FBN1: variants seen among roughly 807,000 people sequenced by gnomAD.
FBN1 encodes the protein fibrillin-1.
A neutral mutation model predicts 365.1 loss-of-function variants in FBN1; 29 were observed. The ratio of observed to expected loss-of-function variants is 0.08; its 90% CI spans 0.06 to 0.11. The LOEUF is 0.11. Among genes scored for constraint, FBN1 ranks in the 10% least tolerant of loss-of-function variants. The pLI, the probability that FBN1 is intolerant of heterozygous loss-of-function variation, is 1.00. For missense variants in FBN1, 2,476 were observed against 3,703.2 expected (o/e 0.67, Z 8.60); for synonymous variants, 1,210 against 1,270.5 (o/e 0.95, Z 1.01).
At chr15:48,528,222 A>G (rs574148340) in intron 8 of FBN1, among the ~76,000 whole-genome samples, 20 of 152,372 alleles carry the variant, frequency 1.3e-4, no homozygotes, top group African/African-American at 4.8e-4. Flanking sequence ...TCAATATCTA[A>G]AAGGTTTAAA....
chr15:48,501,762 A>G (rs2043660138), intron 17 of FBN1, among the ~76,000 whole-genome samples: 1 of 152,222 alleles, frequency 6.6e-6, no homozygotes, highest in South Asian at 2.1e-4. Flanking sequence ...AGCTTTCATG[A>G]TACTTGTCTG....
intron 5 of FBN1, 134 bp from the exon 6 acceptor site, chr15:48,596,512 C>T: frequency 3.8e-6 from 3 of 780,722 alleles, no homozygotes; most frequent in South Asian, 2.9e-5. Context: ...GGTCACTCTA[C>T]AGTTACACAT....
chr15:48,501,338 A>G (rs1303925465), intron 17 of FBN1, among the ~76,000 whole-genome samples: 1 of 152,186 alleles, frequency 6.6e-6, no homozygotes, highest in Non-Finnish European at 1.5e-5. Context: ...AAGCACATTC[A>G]GTCCTCTCTA....
chr15:48,482,651 G>T (rs1206683136), intron 31 of FBN1, among the ~76,000 whole-genome samples: 1 of 152,182 alleles, frequency 6.6e-6, no homozygotes, highest in East Asian at 1.9e-4. Context: ...CAGAGTAAAG[G>T]ACAGGAGAGA....
chr15:48,559,649 A>C (rs1005663080), intron 6 of FBN1, among the ~76,000 whole-genome samples: 6 of 152,192 alleles, frequency 3.9e-5, no homozygotes, highest in Admixed American at 6.5e-5. Flanking sequence ...AGTAAATGCT[A>C]AGGCTTGTTA....
At chr15:48,588,866 A>C (rs1197823674) in intron 6 of FBN1, among the ~76,000 whole-genome samples, 1 of 152,208 alleles carries the variant, frequency 6.6e-6, no homozygotes, top group African/African-American at 2.4e-5. Context: ...GAGACTCCTC[A>C]GATTGCATGA....
chr15:48,515,669 G>A (rs1250160826), intron 11 of FBN1, 142 bp from the exon 12 acceptor site: 13 of 1,097,116 alleles, frequency 1.2e-5, no homozygotes, highest in Non-Finnish European at 1.8e-5. Context: ...TGACAACAGA[G>A]CATATTTCCA....
intron 65 of FBN1, among the ~76,000 whole-genome samples, chr15:48,411,724 G>A (rs548591690): frequency 6.6e-6 from 1 of 152,304 alleles, no homozygotes; most frequent in African/African-American, 2.4e-5. Context: ...GAAACCCTGG[G>A]ATGTCTCCCA....
intron 15 of FBN1, among the ~76,000 whole-genome samples, chr15:48,507,610 A>G (rs2043721496): frequency 1.3e-5 from 2 of 152,184 alleles, no homozygotes; most frequent in Non-Finnish European, 2.9e-5. Flanking sequence ...CAAGGACTTA[A>G]TACAAGGCTT....
At chr15:48,516,758 A>G (rs1052760244) in intron 10 of FBN1, among the ~76,000 whole-genome samples, 7 of 152,202 alleles carry the variant, frequency 4.6e-5, no homozygotes, top group African/African-American at 1.2e-4. Flanking sequence ...GATGTCTTCA[A>G]CGGGGGTGGG....
intron 2 of FBN1, among the ~76,000 whole-genome samples, chr15:48,620,488 T>C (rs958997105): frequency 6.6e-6 from 1 of 152,184 alleles, no homozygotes; most frequent in African/African-American, 2.4e-5. Context: ...GATTAATCCA[T>C]CTAAATTCAT....
chr15:48,418,540 T>C (rs574382999), intron 63 of FBN1, among the ~76,000 whole-genome samples: 2 of 152,362 alleles, frequency 1.3e-5, no homozygotes, highest in African/African-American at 4.8e-5. Context: ...GCCCTTTTTA[T>C]CAATATACAA....
Position 48,499,064 on chromosome 15 carries a change from T to G in FBN1, c.2114-26A>C, listed in dbSNP as rs745793232. The G allele has an allele frequency of 3.1e-6, 5 of 1,612,628 alleles. No individual in the cohort carries two copies. The African/African-American group carries it at 6.7e-5, about 22-fold the overall frequency. On this transcript the variant is annotated intron_variant, in intron 17 of 65. Transcript: ENST00000316623. ...CTGCAATAAATTAACAGATAGTAAA[T>G]GATTCCCTTGTTTGCAGAACAGGTA...
intron 58 of FBN1, among the ~76,000 whole-genome samples, chr15:48,426,101 A>C (rs369823739): frequency 1.1e-3 from 162 of 152,324 alleles, no homozygotes; most frequent in African/African-American, 3.7e-3. Context: ...AAAAACTTTA[A>C]AAACAACTGG....
At position 48,414,962 on chromosome 15, in the gene FBN1, G is replaced by GT. The variant is rs1188186774; in HGVS notation, c.8051+573dup. Among the ~76,000 whole-genome samples the GT allele has an allele frequency of 4.5e-4, 68 of 151,376 alleles. 1 individual carries two copies. The highest frequency in any genetic ancestry group is 2.2e-4 in the Non-Finnish European group (15 of 67,866). ...AGACACACCTATAATTTGGTGAAGT[G>GT]TTTTTTTTGTTTTTCTTTTTTTAAC... On this transcript the variant is annotated intron_variant, in intron 64 of 65. Coordinates refer to ENST00000316623, the MANE Select transcript of FBN1 (RefSeq NM_000138.5).
chr15:48,542,679 G>A (rs1401871036), intron 6 of FBN1, among the ~76,000 whole-genome samples: 2 of 151,996 alleles, frequency 1.3e-5, no homozygotes, highest in Non-Finnish European at 2.9e-5. Context: ...TCCTCCCCCA[G>A]TTTTCCCCAT....
chr15:48,528,490 C>G (rs750205248), intron 8 of FBN1, among the ~76,000 whole-genome samples: 1 of 152,180 alleles, frequency 6.6e-6, no homozygotes, highest in Non-Finnish European at 1.5e-5. Flanking sequence ...CCCAGGTACG[C>G]CTCTTGCATT....
At chr15:48,458,838 T>C (rs1335041395) in intron 43 of FBN1, among the ~76,000 whole-genome samples, 1 of 152,174 alleles carries the variant, frequency 6.6e-6, no homozygotes, top group Non-Finnish European at 1.5e-5. Context: ...AAGGAGAGTA[T>C]AAAGCTTAAA....
intron 4 of FBN1, among the ~76,000 whole-genome samples, chr15:48,607,829 G>A (rs192717038): frequency 1.3e-5 from 2 of 152,186 alleles, no homozygotes; most frequent in African/African-American, 4.8e-5. Flanking sequence ...TTAGAACAAT[G>A]AGTAAATTCA....
Sources: gnomAD v4.1 joint callset for allele counts (sites outside exome capture counted in the v4.1 genomes callset) on GRCh38, gnomAD v4.1.1 for gene constraint, MANE v1.5 for transcripts, NCBI Gene and HGNC (gene_info 2026-07-23, HGNC 2026-07-21) for gene names.